LRBA: variants seen among roughly 807,000 people sequenced by gnomAD.
LRBA encodes LPS responsive beige-like anchor protein.
In LRBA, 176 loss-of-function variants were observed where a neutral mutation model predicts 330.0. That is an observed-to-expected ratio of 0.53 (90% CI 0.47 to 0.60). The LOEUF (loss-of-function observed/expected upper bound fraction) is 0.60, where lower values mean the gene tolerates loss of function less well. Among genes scored for constraint, LRBA ranks in the 20% least tolerant of loss-of-function variants. LRBA has a pLI of 0.00. For missense variants in LRBA, 3,259 were observed against 3,444.8 expected (o/e 0.95, Z 1.35); for synonymous variants, 1,230 against 1,193.0 (o/e 1.03, Z -0.64).
At chr4:150,970,290 A>C (rs1319668733) in intron 2 of LRBA, among the ~76,000 whole-genome samples, 2 of 152,018 alleles carry the variant, frequency 1.3e-5, no homozygotes, top group Non-Finnish European at 2.9e-5. Flanking sequence ...ACTTGAGCCC[A>C]GGAGTTTAAG....
Position 150,415,568 on chromosome 4 carries a change from T to A in LRBA, c.7064A>T (p.Tyr2355Phe). The A allele has an allele frequency of 6.3e-7, 1 of 1,585,142 alleles. No individual in the cohort carries two copies. The highest frequency in any genetic ancestry group is 1.1e-5 in the South Asian group (1 of 90,206). The change falls in exon 47 of 57, where the codon TAT (tyrosine) becomes TTT (phenylalanine). Residue 2355 changes from tyrosine to phenylalanine, a missense_variant. Coordinates refer to ENST00000651943, the MANE Select transcript of LRBA (RefSeq NM_001364905.1). ...DIKELIPEFY[Y>F]LPEMFVNFNN... ...GAAGTTGACAAACATCTCAGGGAGA[T>A]AATAAAATTCAGGGATCAACTCCTA...
chr4:150,424,044 A>C (rs1182274117), intron 46 of LRBA, among the ~76,000 whole-genome samples: 1 of 152,198 alleles, frequency 6.6e-6, no homozygotes, highest in Non-Finnish European at 1.5e-5. Flanking sequence ...CTGTATTATA[A>C]CTGCTTGTTT....
chr4:150,882,238 T>A (rs1248119138), intron 17 of LRBA, among the ~76,000 whole-genome samples: 1 of 152,212 alleles, frequency 6.6e-6, no homozygotes. Flanking sequence ...CTACAAAAAA[T>A]TTTTAAATTT....
chr4:150,606,510 C>T (rs1774645454), intron 37 of LRBA, among the ~76,000 whole-genome samples: 1 of 151,954 alleles, frequency 6.6e-6, no homozygotes, highest in African/African-American at 2.4e-5. Flanking sequence ...ACAATGGGGA[C>T]AAGGAAATTA....
At chr4:150,690,951 A>T in intron 36 of LRBA, among the ~76,000 whole-genome samples, 1 of 138,516 alleles carries the variant, frequency 7.2e-6, no homozygotes, top group Admixed American at 7.7e-5. Context: ...TTTTTTTTAG[A>T]CAGAGTCTCG....
chr4:151,011,778 G>A (rs1237219542), intron 2 of LRBA, among the ~76,000 whole-genome samples: 1 of 151,736 alleles, frequency 6.6e-6, no homozygotes, highest in Non-Finnish European at 1.5e-5. Flanking sequence ...GGGCTCAAGG[G>A]ATCCTCCCAC....
At chr4:150,605,023 T>TAA (rs1436965627) in intron 37 of LRBA, among the ~76,000 whole-genome samples, 1 of 152,138 alleles carries the variant, frequency 6.6e-6, no homozygotes, top group Non-Finnish European at 1.5e-5. Flanking sequence ...AAGAATGAAA[T>TAA]AATTAAGTAC....
At chr4:150,850,133 G>A (rs1189760047) in intron 24 of LRBA, among the ~76,000 whole-genome samples, 5 of 147,026 alleles carry the variant, frequency 3.4e-5, no homozygotes, top group African/African-American at 1.0e-4. Flanking sequence ...TCGCTCTGTC[G>A]CCCAGGCCGG....
chr4:150,272,029 C>T (rs1746188609), intron 56 of LRBA, among the ~76,000 whole-genome samples: 1 of 152,206 alleles, frequency 6.6e-6, no homozygotes, highest in Admixed American at 6.5e-5. Context: ...AAACTGCCTC[C>T]TCAAGTGGGT....
chr4:150,970,602 A>C (rs1016080438), intron 2 of LRBA: 1 of 148,270 alleles, frequency 6.7e-6, no homozygotes, highest in Non-Finnish European at 1.5e-5. Flanking sequence ...TATACTGTAA[A>C]TGTAACTCAT....
At chr4:150,278,843 G>A (rs567534624) in intron 55 of LRBA, among the ~76,000 whole-genome samples, 158 of 150,218 alleles carry the variant, frequency 1.1e-3, no homozygotes, top group African/African-American at 3.7e-3. Context: ...TTCCCCCCTC[G>A]AGACAGGGTC....
intron 37 of LRBA, among the ~76,000 whole-genome samples, chr4:150,666,257 G>T (rs1021607399): frequency 2.2e-4 from 33 of 152,100 alleles, no homozygotes; most frequent in Non-Finnish European, 2.5e-4. Flanking sequence ...AATAGGTCGG[G>T]TGCCATGGCT....
At chr4:150,869,743 A>G (rs1225133093) in intron 20 of LRBA, among the ~76,000 whole-genome samples, 1 of 152,132 alleles carries the variant, frequency 6.6e-6, no homozygotes, top group African/African-American at 2.4e-5. Flanking sequence ...TAAAACAAAA[A>G]AAAAAATTCT....
chr4:150,899,928 T>C (rs1315323873), intron 14 of LRBA, 121 bp downstream of exon 14: 2 of 596,980 alleles, frequency 3.4e-6, no homozygotes, highest in Non-Finnish European at 5.6e-6. Context: ...AAAATAAAAT[T>C]TTGCCATAAT....
intron 48 of LRBA, among the ~76,000 whole-genome samples, chr4:150,329,810 T>C (rs1733753289): frequency 6.6e-6 from 1 of 152,206 alleles, no homozygotes; most frequent in South Asian, 2.1e-4. Flanking sequence ...TTTTTAAAGC[T>C]CAGAATCTTG....
chr4:150,311,423 T>A (rs1177518241), intron 51 of LRBA: 7 of 152,210 alleles, frequency 4.6e-5, no homozygotes, highest in African/African-American at 1.7e-4. Context: ...AATATTTATA[T>A]GCTATTCATT....
chr4:150,629,386 C>A (rs1275353608), intron 37 of LRBA, among the ~76,000 whole-genome samples: 1 of 152,230 alleles, frequency 6.6e-6, no homozygotes, highest in Middle Eastern at 3.2e-3. Flanking sequence ...TGCCTGTAAT[C>A]CCAGCACTCT....
At chr4:150,348,218 G>A (rs951157977) in intron 48 of LRBA, among the ~76,000 whole-genome samples, 6 of 152,184 alleles carry the variant, frequency 3.9e-5, no homozygotes, top group Admixed American at 6.5e-5. Context: ...CAAGCACATA[G>A]AGTGACTCAT....
chr4:150,484,551 T>A (rs184066011), intron 42 of LRBA, among the ~76,000 whole-genome samples: 2 of 152,046 alleles, frequency 1.3e-5, no homozygotes, highest in Admixed American at 1.3e-4. Context: ...CTTTGCTAGA[T>A]ATTTACTATT....
Sources: allele counts gnomAD v4.1 joint callset (sites outside exome capture counted in the v4.1 genomes callset), GRCh38; gene constraint gnomAD v4.1.1; transcripts MANE v1.5; gene names NCBI Gene and HGNC (gene_info 2026-07-23, HGNC 2026-07-21).